Variants in ASTN2 observed in about 807,000 individuals in gnomAD.
ASTN2 encodes the protein astrotactin-2.
Under a neutral mutation model 139.8 loss-of-function variants are expected in ASTN2, and 54 were observed. The ratio of observed to expected loss-of-function variants is 0.39; its 90% confidence interval spans 0.31 to 0.48. The LOEUF (loss-of-function observed/expected upper bound fraction) is 0.48, where lower values mean the gene tolerates loss of function less well. ASTN2 is among the 20% of genes least tolerant of loss of function. ASTN2 has a pLI of 0.95. For synonymous variants in ASTN2, 756 were observed against 719.5 expected (o/e 1.05, Z -0.81); for missense variants, 1,565 against 1,725.1 (o/e 0.91, Z 1.64).
chr9:116,605,463 T>C (rs562334487), intron 19 of ASTN2, among the ~76,000 whole-genome samples: 1 of 152,188 alleles, frequency 6.6e-6, no homozygotes, highest in African/African-American at 2.4e-5. Flanking sequence ...GAGCAGAAGA[T>C]GACCAAAGAA....
chr9:116,569,734 G>A (rs1017395935), intron 19 of ASTN2, among the ~76,000 whole-genome samples: 2 of 152,180 alleles, frequency 1.3e-5, no homozygotes, highest in East Asian at 3.9e-4. Context: ...GCGTGATGAT[G>A]GAGCCGAGAG....
intron 20 of ASTN2, among the ~76,000 whole-genome samples, chr9:116,478,221 GGGGAGTAAGGGGGGAGGGA>G (rs1849053065): frequency 9.3e-6 from 1 of 107,962 alleles, no homozygotes; most frequent in Non-Finnish European, 1.9e-5. Flanking sequence ...AGGGGTAGTG[GGGGAGTAAGGGGGGAGGGA>G]GGGAGGGAGG....
intron 13 of ASTN2, among the ~76,000 whole-genome samples, chr9:116,803,315 C>CTT (rs61653195): frequency 0.23 from 30,994 of 137,472 alleles, 3,982 homozygotes; most frequent in Middle Eastern, 0.31. Context: ...GATTTTTGTT[C>CTT]TTTTTTTTTT....
At chr9:116,847,884 G>A (rs1832487507) in intron 11 of ASTN2, among the ~76,000 whole-genome samples, 2 of 152,182 alleles carry the variant, frequency 1.3e-5, no homozygotes, top group South Asian at 2.1e-4. Flanking sequence ...ATCCTGAGGT[G>A]CAGAGATGTA....
intron 10 of ASTN2, among the ~76,000 whole-genome samples, chr9:116,924,465 A>G (rs900635940): frequency 1.3e-5 from 2 of 150,110 alleles, no homozygotes; most frequent in Non-Finnish European, 3.0e-5. Flanking sequence ...TGGCTACTCC[A>G]TTGGCAGCGG....
intron 1 of ASTN2, among the ~76,000 whole-genome samples, chr9:117,317,712 TCCATCACCA>T (rs1457767988): frequency 6.6e-6 from 1 of 152,066 alleles, no homozygotes; most frequent in African/African-American, 2.4e-5. Flanking sequence ...CACACTTCCA[TCCATCACCA>T]GCCATTGACA....
At chr9:116,771,797 T>C (rs1829959546) in intron 13 of ASTN2, among the ~76,000 whole-genome samples, 1 of 152,238 alleles carries the variant, frequency 6.6e-6, no homozygotes, top group Non-Finnish European at 1.5e-5. Context: ...CATGGACAGT[T>C]GGCCATGCCC....
chr9:116,575,295 A>T (rs759226404), intron 19 of ASTN2, among the ~76,000 whole-genome samples: 64 of 142,026 alleles, frequency 4.5e-4, no homozygotes, highest in Non-Finnish European at 7.8e-4. Flanking sequence ...ATGTATAATT[A>T]AAAAAAAAAG....
chr9:116,532,261 G>A (rs1428317946), intron 19 of ASTN2, among the ~76,000 whole-genome samples: 1 of 152,106 alleles, frequency 6.6e-6, no homozygotes, highest in East Asian at 1.9e-4. Flanking sequence ...CTGGATATTA[G>A]CCCTTTGTCA....
chr9:117,329,134 G>T (rs1231142154), intron 1 of ASTN2, among the ~76,000 whole-genome samples: 1 of 148,710 alleles, frequency 6.7e-6, no homozygotes, highest in Admixed American at 6.7e-5. Flanking sequence ...AGCAGCTGTT[G>T]CACCTTCTTC....
intron 5 of ASTN2, among the ~76,000 whole-genome samples, chr9:117,047,408 G>A (rs1838778106): frequency 6.6e-6 from 1 of 152,000 alleles, no homozygotes; most frequent in African/African-American, 2.4e-5. Flanking sequence ...TCTGACTACG[G>A]CACTCTCAAA....
chr9:116,687,654 G>T (rs574718662), intron 16 of ASTN2, among the ~76,000 whole-genome samples: 1 of 151,964 alleles, frequency 6.6e-6, no homozygotes, highest in East Asian at 1.9e-4. Context: ...GCAGCATCTC[G>T]GGAGGTATGA....
intron 17 of ASTN2, among the ~76,000 whole-genome samples, chr9:116,650,098 G>A (rs1225154983): frequency 1.3e-5 from 2 of 152,162 alleles, no homozygotes; most frequent in South Asian, 2.1e-4. Flanking sequence ...GGAGGGGCAC[G>A]GGATTCATAG....
intron 1 of ASTN2, among the ~76,000 whole-genome samples, chr9:117,371,011 G>A (rs1033826965): frequency 1.3e-5 from 2 of 151,290 alleles, no homozygotes; most frequent in Admixed American, 1.3e-4. Flanking sequence ...CCAGTTGGAT[G>A]TCCCTACCTT....
intron 1 of ASTN2, among the ~76,000 whole-genome samples, chr9:117,404,810 A>T (rs1443346903): frequency 6.6e-6 from 1 of 151,956 alleles, no homozygotes; most frequent in East Asian, 1.9e-4. Flanking sequence ...GCAGAGCATG[A>T]GGTGACAACT....
rs1205359365 is a variant in ASTN2 at position 116,779,005 on chromosome 9, T to C, written c.2396+26627A>G. Among the ~76,000 whole-genome samples the C allele has an allele frequency of 3.9e-5, 6 of 152,292 alleles. No homozygotes were observed. The East Asian group carries it at 1.2e-3, about 29-fold the overall frequency. On this transcript the variant is annotated intron_variant, in intron 13 of 22. Transcript: ENST00000313400. ...TAATTACTATTATGATTGTGATTAT[T>C]ATACAGTAAAAAGCAATTACACTTT...
rs959475455 is a variant in ASTN2 at position 116,425,758 on chromosome 9, T to C, written c.*93A>G. 8.7e-6 allele frequency: 14 copies of C among 1,605,562 alleles called. No individual in the cohort carries two copies. Among genetic ancestry groups the C allele is most frequent in the Middle Eastern group, 1.7e-4 (1 of 6,020 alleles). On this transcript the variant is annotated 3_prime_UTR_variant, in exon 23 of 23. Coordinates refer to ENST00000313400, the MANE Select transcript of ASTN2 (RefSeq NM_001365068.1). Reference sequence around the variant, plus strand: ...TTCATCTGCTAGGCCCATCCTCAGCTGTCCCCCAGCCCACCCAGGCCCCAG... The same window carrying C: ...TTCATCTGCTAGGCCCATCCTCAGCCGTCCCCCAGCCCACCCAGGCCCCAG...
At chr9:117,315,940 G>A (rs763858404) in intron 1 of ASTN2, among the ~76,000 whole-genome samples, 1 of 152,180 alleles carries the variant, frequency 6.6e-6, no homozygotes, top group Non-Finnish European at 1.5e-5. Context: ...GTCATAATAG[G>A]CAACGTCTAT....
intron 1 of ASTN2, among the ~76,000 whole-genome samples, chr9:117,374,881 G>A (rs956639434): frequency 2.6e-5 from 4 of 152,136 alleles, no homozygotes; most frequent in Non-Finnish European, 2.9e-5. Context: ...TGGACAAACC[G>A]AATACTGTCA....
Sources: allele counts gnomAD v4.1 joint callset (sites outside exome capture counted in the v4.1 genomes callset), GRCh38; gene constraint gnomAD v4.1.1; transcripts MANE v1.5; gene names NCBI Gene and HGNC (gene_info 2026-07-23, HGNC 2026-07-21).